CCDC144A: variants seen among roughly 807,000 people sequenced by gnomAD.
CCDC144A encodes coiled-coil domain containing 144A.
A neutral mutation model predicts 143.8 loss-of-function variants in CCDC144A; 41 were observed. The observed-to-expected ratio is 0.29, with a 90% CI of 0.22 to 0.37. The LOEUF (loss-of-function observed/expected upper bound fraction) is 0.37. CCDC144A is among the 10% of genes least tolerant of loss of function. The pLI is 1.00. For missense variants in CCDC144A, 637 were observed against 1,488.8 expected (o/e 0.43, Z 9.41); for synonymous variants, 242 against 517.9 (o/e 0.47, Z 7.23).
chr17:16,749,532 T>A (rs1456797780), intron 12 of CCDC144A, among the ~76,000 whole-genome samples: 2 of 152,242 alleles, frequency 1.3e-5, no homozygotes, highest in Non-Finnish European at 2.9e-5. Flanking sequence ...TGGAGTATGT[T>A]CTTTGTGCAG....
At chr17:16,771,949 G>A (rs1204352518) in intron 15 of CCDC144A, 28 bp from the exon 16 acceptor site, 14 of 1,500,782 alleles carry the variant, frequency 9.3e-6, no homozygotes, top group Admixed American at 6.1e-5. Context: ...CTTCTTAAAC[G>A]TTATAAATAA....
rs1348037239 is a variant in CCDC144A at position 16,777,820 on chromosome 17, A to C, written c.*4187A>C. The C allele has an allele frequency of 7.0e-6, 1 of 143,052 alleles. No homozygotes were observed. Among genetic ancestry groups the C allele is most frequent in the African/African-American group, 2.8e-5 (1 of 35,166 alleles). 8.9% of individuals were successfully genotyped at this position (143,052 alleles called of 1,614,324 possible). On this transcript the variant is annotated 3_prime_UTR_variant, in exon 17 of 17. Transcript: ENST00000399273. ...CTCACAGAATTGGAGAAACTAGAAC[A>C]GTCCAAATCCAAACCCAGCAGAAGA...
the CCDC144A span, among the ~76,000 whole-genome samples, chr17:16,681,942 A>C: frequency 1.3e-5 from 2 of 152,032 alleles, no homozygotes; most frequent in Non-Finnish European, 2.9e-5. Flanking sequence ...ACTGGAATGA[A>C]AAAAAGGGCA....
chr17:16,676,168 A>G, the CCDC144A span, among the ~76,000 whole-genome samples: 14 of 152,194 alleles, frequency 9.2e-5, no homozygotes, highest in African/African-American at 2.9e-4. Context: ...TTAAATTCAT[A>G]TAGAATATGG....
At chr17:16,720,954 A>C (rs1913059696) in intron 8 of CCDC144A, among the ~76,000 whole-genome samples, 1 of 152,076 alleles carries the variant, frequency 6.6e-6, no homozygotes, top group South Asian at 2.1e-4. Context: ...GGAATCTTAG[A>C]ACTGTTTTCC....
chr17:16,697,865 G>T (rs1196518668), intron 2 of CCDC144A, among the ~76,000 whole-genome samples: 1 of 152,184 alleles, frequency 6.6e-6, no homozygotes, highest in Non-Finnish European at 1.5e-5. Context: ...AGGGGATAGG[G>T]AGAAATCTCA....
At position 16,702,688 on chromosome 17, in the gene CCDC144A, A is replaced by G. The variant is rs188729385; in HGVS notation, c.416-2463A>G. On this transcript the variant is annotated intron_variant, in intron 2 of 16. Transcript: ENST00000399273. ...AACCCTAGATATGCAGTGTCAGGAT[A>G]GAAGGAAGAGGATAAGAGTAAAAGG... Among the ~76,000 whole-genome samples the G allele has an allele frequency of 1.5e-4, 23 of 152,322 alleles. No homozygotes were observed. In the East Asian group the frequency reaches 4.4e-3, roughly 29 times the overall value.
intron 12 of CCDC144A, among the ~76,000 whole-genome samples, chr17:16,747,209 A>G (rs2656425): frequency 6.6e-6 from 1 of 152,112 alleles, no homozygotes; most frequent in East Asian, 1.9e-4. Flanking sequence ...CAAAGACCCA[A>G]TGGTTGTAGG....
At chr17:16,667,288 TTGAGGCGGC>T in the CCDC144A span, among the ~76,000 whole-genome samples, 26 of 128,146 alleles carry the variant, frequency 2.0e-4, 1 homozygote, top group East Asian at 7.4e-3. Context: ...GGCTGAGGGG[TTGAGGCGGC>T]TGAGGCGGCT....
the CCDC144A span, chr17:16,683,692 A>G: frequency 1.3e-6 from 2 of 1,598,498 alleles, no homozygotes; most frequent in Admixed American, 3.3e-5. Context: ...GAAAATCAAC[A>G]TGGACAAGAA....
the CCDC144A span, among the ~76,000 whole-genome samples, chr17:16,682,898 T>TTTG: frequency 4.3e-5 from 5 of 115,460 alleles, no homozygotes; most frequent in African/African-American, 1.7e-4. Flanking sequence ...TTTTTTTTTT[T>TTTG]TTTTTTTTTT....
chr17:16,695,899 T>A (rs1284588953), intron 2 of CCDC144A, among the ~76,000 whole-genome samples: 1 of 152,088 alleles, frequency 6.6e-6, no homozygotes, highest in Non-Finnish European at 1.5e-5. Flanking sequence ...GAGCAGCGAG[T>A]GCAAAAGTAA....
intron 12 of CCDC144A, among the ~76,000 whole-genome samples, chr17:16,742,662 A>G (rs1914310483): frequency 6.6e-6 from 1 of 152,130 alleles, no homozygotes; most frequent in Admixed American, 6.5e-5. Flanking sequence ...CATTCCCTCC[A>G]CGAGTGCATA....
rs548207748 is a variant in CCDC144A at position 16,691,832 on chromosome 17, C to A, written c.344+1088C>A. 1.1e-4 allele frequency: 17 copies of A among 152,290 alleles called. No individual in the cohort carries two copies. The East Asian group carries it at 2.3e-3, about 21-fold the overall frequency. 9.4% of individuals were successfully genotyped at this position (152,290 alleles called of 1,614,324 possible). On this transcript the variant is annotated intron_variant, in intron 1 of 16. Coordinates refer to ENST00000399273, the MANE Select transcript of CCDC144A (RefSeq NM_001382000.1). ...CAGCAAACATATACTGAAATTGGAA[C>A]AAAATGGAGAGAAATTAGCATGGCC...
intron 15 of CCDC144A, among the ~76,000 whole-genome samples, chr17:16,769,029 T>C (rs1597598386): frequency 6.6e-6 from 1 of 152,212 alleles, no homozygotes; most frequent in East Asian, 1.9e-4. Context: ...AGACTCATGA[T>C]AACTAATGGG....
intron 12 of CCDC144A, chr17:16,746,689 T>G (rs1428879884): frequency 6.2e-6 from 10 of 1,611,942 alleles, no homozygotes; most frequent in Non-Finnish European, 8.5e-6. Context: ...AGTAGTCGTG[T>G]GCTGGCAGCG....
intron 15 of CCDC144A, among the ~76,000 whole-genome samples, chr17:16,770,339 C>T (rs1179416803): frequency 1.3e-5 from 2 of 152,066 alleles, no homozygotes; most frequent in African/African-American, 2.4e-5. Flanking sequence ...TTAGTAGAGA[C>T]GGGGTTTCAT....
chr17:16,690,525 G>A lies in CCDC144A; in HGVS notation c.125G>A (p.Gly42Glu). Residue 42 changes from glycine (G) to glutamate (E), a missense_variant, in exon 1 of 17, where the codon GGG becomes GAG. By Grantham distance (98) the Gly-to-Glu change is moderately conservative (BLOSUM62 -2). Transcript: ENST00000399273. ...QGDQWYLGYP[G>E]DQWSSGFPYS... ...GACCAGTGGTACTTGGGCTACCCGG[G>A]GGACCAGTGGTCCTCGGGCTTCCCC... The A allele has an allele frequency of 6.2e-7, 1 of 1,613,420 alleles. No homozygotes were observed. Among genetic ancestry groups the A allele is most frequent in the East Asian group, 2.2e-5 (1 of 44,872 alleles).
chr17:16,720,316 G>A, intron 7 of CCDC144A, 85 bp downstream of exon 7: 1 of 1,502,488 alleles, frequency 6.7e-7, no homozygotes, highest in Non-Finnish European at 8.9e-7. Flanking sequence ...AAGATGTTTT[G>A]TTGTAAGGCT....
Sources: allele counts gnomAD v4.1 joint callset (sites outside exome capture counted in the v4.1 genomes callset), GRCh38; gene constraint gnomAD v4.1.1; transcripts MANE v1.5; gene names NCBI Gene and HGNC (gene_info 2026-07-23, HGNC 2026-07-21).